The following ESPNL variants were observed in gnomAD, a reference collection of about 807,000 sequenced individuals.
ESPNL encodes the protein espin-like protein.
In ESPNL, 49 loss-of-function variants were observed where a neutral mutation model predicts 46.8. The ratio of observed to expected loss-of-function variants is 1.05; its 90% confidence interval spans 0.83 to 1.33. The LOEUF (loss-of-function observed/expected upper bound fraction) is 1.33, where lower values mean the gene tolerates loss of function less well. Among genes scored for constraint, ESPNL ranks in the 40% most tolerant of loss-of-function variants. The pLI is 0.00. For missense variants in ESPNL, 1,540 were observed against 1,436.6 expected (o/e 1.07, Z -1.16); for synonymous variants, 664 against 662.1 (o/e 1.00, Z -0.04).
At chr2:238,117,103 C>T in intron 5 of ESPNL, 69 bp downstream of exon 5, 3 of 1,516,088 alleles carry the variant, frequency 2.0e-6, no homozygotes, top group Middle Eastern at 2.1e-4. Context: ...CAGGACCCCA[C>T]TGCTGAACCT....
chr2:238,117,773 G>C (rs953676845), intron 5 of ESPNL, among the ~76,000 whole-genome samples: 1 of 152,210 alleles, frequency 6.6e-6, no homozygotes, highest in African/African-American at 2.4e-5. Flanking sequence ...ATGCATGAGG[G>C]TGAGCAGAGG....
Position 238,100,385 on chromosome 2 carries a change from G to C in ESPNL, c.-35G>C. The C allele has an allele frequency of 1.3e-6, 2 of 1,553,822 alleles. No homozygotes were observed. The highest frequency in any genetic ancestry group is 1.7e-6 in the Non-Finnish European group (2 of 1,153,436). ...CGTCTGAAACAGGAAGCCCCAGCCT[G>C]TGCATGAGTCGCCACTGAGAGCCCG... On this transcript the variant is annotated 5_prime_UTR_variant, in exon 1 of 9. Transcript: ENST00000343063.
rs201030630 is a variant in ESPNL, at chr2:238,131,613, C to G, written c.2899C>G (p.Arg967Gly). The G allele has an allele frequency of 2.5e-6, 4 of 1,611,574 alleles. No homozygotes were observed. In the East Asian group the frequency reaches 6.7e-5, roughly 27 times the overall value. The change falls in exon 9 of 9, where the codon CGG (arginine) becomes GGG (glycine). Residue 967 changes from arginine (R) to glycine (G), a missense_variant. Coordinates refer to ENST00000343063, the MANE Select transcript of ESPNL (RefSeq NM_194312.4). ...PCSGPEPTAQ[R>G]LGSRSQQGSF... ...CAGCGGCCCTGAGCCCACAGCACAG[C>G]GGCTGGGGTCCCGCTCCCAGCAGGG...
At chr2:238,126,200 TTG>T (rs1163601004) in intron 6 of ESPNL, among the ~76,000 whole-genome samples, 3 of 132,528 alleles carry the variant, frequency 2.3e-5, no homozygotes, top group South Asian at 5.3e-4. Flanking sequence ...GTGTCTGTGA[TTG>T]TGTCTCTCTG....
In ESPNL at chr2:238,126,729, T is replaced by A. The variant is rs576203515; in HGVS notation, c.1103-893T>A. On this transcript the variant is annotated intron_variant, in intron 6 of 8. Coordinates refer to ENST00000343063, the MANE Select transcript of ESPNL (RefSeq NM_194312.4). ...GCTTGTGTCTGTGTGTCTCTGCGTA[T>A]GATTGTGTCTGTGTGTATCTGTGAT... 3.3e-5 allele frequency among the ~76,000 whole-genome samples: 5 copies of A among 152,016 alleles called. No homozygotes were observed. The East Asian group carries it at 7.8e-4, about 24-fold the overall frequency.
rs755174121 is a variant in ESPNL, at chr2:238,130,899, G to T, written c.2185G>T (p.Ala729Ser). 5.1e-5 allele frequency: 79 copies of T among 1,545,320 alleles called. No homozygotes were observed. The highest frequency in any genetic ancestry group is 6.8e-5 in the Non-Finnish European group (78 of 1,145,858). Residue 729 changes from alanine (A) to serine (S), a missense_variant, in exon 9 of 9, where the codon GCC becomes TCC. Physicochemically the swap from Ala to Ser is moderately conservative, Grantham distance 99. Transcript: ENST00000343063. ...GGTGCCATCAGAGGCGGGTGCCGCAGCCGGCCCAGACCTGGCCAGCCTGCG... is the reference window on the plus strand; with the variant it reads ...GGTGCCATCAGAGGCGGGTGCCGCATCCGGCCCAGACCTGGCCAGCCTGCG... ...EEVPSEAGAA[A>S]GPDLASLRKE...
At chr2:238,129,387 G>A (rs368105223) in intron 8 of ESPNL, 10 of 423,628 alleles carry the variant, frequency 2.4e-5, no homozygotes, top group Non-Finnish European at 2.9e-5. Flanking sequence ...GGGAATTTGG[G>A]GCAAGCACCT....
chr2:238,116,684 G>C (rs1196565671), intron 4 of ESPNL, among the ~76,000 whole-genome samples: 4 of 152,212 alleles, frequency 2.6e-5, no homozygotes, highest in African/African-American at 9.6e-5. Context: ...AGCAGTGCCT[G>C]GTACTGTCTG....
At chr2:238,118,890 G>C (rs1376829523) in intron 5 of ESPNL, among the ~76,000 whole-genome samples, 1 of 143,766 alleles carries the variant, frequency 7.0e-6, no homozygotes, top group Non-Finnish European at 1.5e-5. Flanking sequence ...ATGGATGAAA[G>C]AGTTGGACGG....
chr2:238,102,968 G>T (rs1294882036), intron 2 of ESPNL, among the ~76,000 whole-genome samples: 1 of 152,230 alleles, frequency 6.6e-6, no homozygotes, highest in Non-Finnish European at 1.5e-5. Context: ...GTGGAATCGG[G>T]TTCTCATTCC....
At chr2:238,126,929 CTG>C (rs1692143276) in intron 6 of ESPNL, among the ~76,000 whole-genome samples, 1 of 81,494 alleles carries the variant, frequency 1.2e-5, no homozygotes, top group Non-Finnish European at 2.3e-5. Context: ...GTCTGTGTGT[CTG>C]TGATTGTGTG....
At chr2:238,123,518 T>G (rs969594593) in intron 5 of ESPNL, among the ~76,000 whole-genome samples, 1 of 152,038 alleles carries the variant, frequency 6.6e-6, no homozygotes, top group Non-Finnish European at 1.5e-5. Flanking sequence ...TCCCCTTCCA[T>G]CTCCCAGAGC....
chr2:238,104,800 C>G lies in ESPNL; in HGVS notation c.630C>G (p.His210Gln). Residue 210 changes from histidine (H) to glutamine (Q), a missense_variant, in exon 3 of 9, where the codon CAC becomes CAG. Transcript: ENST00000343063. ...CTCTCGATGGCATGAGCGCCCTGCA[C>G]GCTGCCGCCGCCCGTGGCCACTACT... ...LRALDGMSAL[H>Q]AAAARGHYSL... 1 of 1,565,338 alleles carries G rather than the reference C, an allele frequency of 6.4e-7. No individual in the cohort carries two copies. The highest frequency in any genetic ancestry group is 8.6e-7 in the Non-Finnish European group (1 of 1,157,768).
At chr2:238,116,794 CATCAGGGCAG>C in intron 4 of ESPNL, 99 bp from the exon 5 acceptor site, 2 of 1,387,050 alleles carry the variant, frequency 1.4e-6, no homozygotes. Context: ...CTGGGAAGGG[CATCAGGGCAG>C]CCTGCGCCAT....
intron 2 of ESPNL, 46 bp from the exon 3 acceptor site, chr2:238,104,610 C>A: frequency 6.7e-7 from 1 of 1,496,762 alleles, no homozygotes. Flanking sequence ...GGGATGGGCT[C>A]AGCCATAGGC....
At position 238,107,772 on chromosome 2, in the gene ESPNL, T is replaced by C. The variant is rs760427909; in HGVS notation, c.673-19T>C. ...CCTCCCTGGGAGGATGGCTGCTCCC[T>C]CTGCCCCTCCTTCCCCAGGTCACAT... On this transcript the variant is annotated intron_variant, in intron 3 of 8. Coordinates refer to ENST00000343063, the MANE Select transcript of ESPNL (RefSeq NM_194312.4). The C allele has an allele frequency of 1.9e-6, 3 of 1,556,958 alleles. No individual in the cohort carries two copies. Among genetic ancestry groups the C allele is most frequent in the South Asian group, 2.4e-5 (2 of 83,876 alleles).
chr2:238,122,169 G>T (rs1010449896), intron 5 of ESPNL, among the ~76,000 whole-genome samples: 13 of 152,250 alleles, frequency 8.5e-5, no homozygotes, highest in African/African-American at 3.1e-4. Flanking sequence ...ATGTCTAAAT[G>T]TTAAGACCCC....
Position 238,102,227 on chromosome 2 carries a change from C to A in ESPNL, c.485+96C>A, listed in dbSNP as rs149795916. The stretch of plus-strand genomic sequence containing the variant: ...AGGGCCAAGAGGACAGGCTGGTGGC[C>A]TTTGAGGTGAATCCTGCAGGCGGGC... On this transcript the variant is annotated intron_variant, in intron 2 of 8. Coordinates refer to ENST00000343063, the MANE Select transcript of ESPNL (RefSeq NM_194312.4). 2.2e-5 allele frequency: 25 copies of A among 1,132,058 alleles called. No homozygotes were observed. The African/African-American group carries it at 3.3e-4, about 15-fold the overall frequency. 70.1% of individuals were successfully genotyped at this position (1,132,058 alleles called of 1,614,324 possible).
At chr2:238,118,331 A>AG (rs1175498541) in intron 5 of ESPNL, among the ~76,000 whole-genome samples, 4 of 109,882 alleles carry the variant, frequency 3.6e-5, no homozygotes, top group Non-Finnish European at 7.8e-5. Flanking sequence ...TGGGTGGAGA[A>AG]GGTGGATGGA....
Sources: gnomAD v4.1 joint callset for allele counts (sites outside exome capture counted in the v4.1 genomes callset) on GRCh38, gnomAD v4.1.1 for gene constraint, MANE v1.5 for transcripts, NCBI Gene and HGNC (gene_info 2026-07-23, HGNC 2026-07-21) for gene names.